The following PPP2R2C variants were observed in gnomAD, a reference collection of about 807,000 sequenced individuals.
The protein encoded by PPP2R2C is protein phosphatase 2, regulatory subunit B, gamma.
In PPP2R2C, 10 loss-of-function variants were observed where a neutral mutation model predicts 45.3. The observed-to-expected ratio is 0.22, with a 90% CI of 0.14 to 0.37. The LOEUF (loss-of-function observed/expected upper bound fraction) is 0.37, where lower values mean the gene tolerates loss of function less well. Among genes scored for constraint, PPP2R2C ranks in the 10% least tolerant of loss-of-function variants. The probability of loss-of-function intolerance (pLI) is 1.00; values close to 1 mark genes in which losing one functional copy is unlikely to be tolerated. For synonymous variants in PPP2R2C, 257 were observed against 245.4 expected, an observed-to-expected ratio of 1.05 and a Z score of -0.44; for missense variants, 308 against 619.7, an observed-to-expected ratio of 0.50 and a Z score of 5.34.
intron 1 of PPP2R2C, among the ~76,000 whole-genome samples, chr4:6,389,150 A>G (rs2109328849): frequency 6.6e-6 from 1 of 152,314 alleles, no homozygotes; most frequent in African/African-American, 2.4e-5. Flanking sequence ...CATGGATACA[A>G]TGGGAATTGA....
At chr4:6,548,611 C>T (rs556810125) in intron 1 of PPP2R2C, among the ~76,000 whole-genome samples, 95 of 152,294 alleles carry the variant, frequency 6.2e-4, no homozygotes, top group African/African-American at 1.7e-3. Flanking sequence ...TAGAGCTTCC[C>T]GACAGCCATG....
intron 2 of PPP2R2C, among the ~76,000 whole-genome samples, chr4:6,502,761 T>C (rs1263080802): frequency 6.6e-6 from 1 of 152,136 alleles, no homozygotes; most frequent in Non-Finnish European, 1.5e-5. Flanking sequence ...TGAGGGTCTA[T>C]TTTCATTTTA....
chr4:6,339,099 T>C (rs2109197096), intron 6 of PPP2R2C, among the ~76,000 whole-genome samples: 1 of 152,360 alleles, frequency 6.6e-6, no homozygotes, highest in East Asian at 1.9e-4. Context: ...ATACATCCTC[T>C]AGAACCCCAG....
chr4:6,511,894 ATGG>A (rs1723573975), intron 2 of PPP2R2C, among the ~76,000 whole-genome samples: 1 of 1,144 alleles, frequency 8.7e-4, no homozygotes. Flanking sequence ...GGTGGTGGTG[ATGG>A]TGGTGGTGGT....
chr4:6,425,381 T>A (rs1007047949), intron 1 of PPP2R2C, among the ~76,000 whole-genome samples: 1 of 152,176 alleles, frequency 6.6e-6, no homozygotes, highest in African/African-American at 2.4e-5. Context: ...CTGATCCAAA[T>A]CGCCTCACTG....
chr4:6,337,161 T>G lies in PPP2R2C; in HGVS notation c.791-3430A>C, dbSNP rs866077745. On this transcript the variant is annotated intron_variant, in intron 6 of 8. Transcript: ENST00000382599. ...ATATATATATATATATATATATATA[T>G]TTGTAGTTTTTCTTTGTTAAGCCAA... Among the ~76,000 whole-genome samples the G allele has an allele frequency of 2.4e-3, 274 of 113,668 alleles. 7 individuals carry two copies. The highest frequency in any genetic ancestry group is 8.9e-3 in the African/African-American group (266 of 29,770). The allele number at this position is 113,668 out of a possible 152,430, so 74.6% of individuals were successfully genotyped here.
intron 1 of PPP2R2C, among the ~76,000 whole-genome samples, chr4:6,554,986 A>G (rs1302275761): frequency 6.6e-6 from 1 of 151,736 alleles, no homozygotes; most frequent in Admixed American, 6.6e-5. Context: ...AGAAAAGAGA[A>G]GAGAAGAGAA....
At chr4:6,382,922 A>C in intron 1 of PPP2R2C, 1 of 1,085,924 alleles carries the variant, frequency 9.2e-7, no homozygotes, top group South Asian at 2.6e-5. Context: ...TTGTGTACTC[A>C]GAGAAAAGCA....
At chr4:6,455,915 A>AC (rs11421592) in intron 1 of PPP2R2C, among the ~76,000 whole-genome samples, 149,804 of 152,102 alleles carry the variant, frequency 0.98, 73,815 homozygotes, top group Middle Eastern at 1. Context: ...CCAGGCTGCA[A>AC]CGGGCCCACT....
chr4:6,350,604 G>A (rs1193985021), intron 5 of PPP2R2C: 7 of 985,296 alleles, frequency 7.1e-6, no homozygotes, highest in Non-Finnish European at 8.4e-6. Flanking sequence ...GGGTGCAGGA[G>A]GACTCGGTGG....
chr4:6,434,361 T>TTC (rs1719782470), intron 1 of PPP2R2C, among the ~76,000 whole-genome samples: 2 of 138,006 alleles, frequency 1.4e-5, no homozygotes, highest in African/African-American at 2.7e-5. Flanking sequence ...TTTCTTTTCT[T>TTC]TTTTTTTTTT....
chr4:6,537,052 A>T (rs926733543), intron 1 of PPP2R2C, among the ~76,000 whole-genome samples: 2 of 152,008 alleles, frequency 1.3e-5, no homozygotes, highest in African/African-American at 4.8e-5. Context: ...AAAATACAAA[A>T]ATTAGCCAGG....
chr4:6,409,087 A>G, intron 1 of PPP2R2C, among the ~76,000 whole-genome samples: 1 of 152,144 alleles, frequency 6.6e-6, no homozygotes, highest in East Asian at 1.9e-4. Flanking sequence ...AGGAGAAAAC[A>G]GCAGTGTGTG....
At chr4:6,429,961 C>T (rs1012552060) in intron 1 of PPP2R2C, among the ~76,000 whole-genome samples, 5 of 152,168 alleles carry the variant, frequency 3.3e-5, no homozygotes, top group Non-Finnish European at 7.3e-5. Flanking sequence ...AGAAGTCACA[C>T]ACCTTGCCCA....
chr4:6,400,390 A>G (rs1182403082), intron 1 of PPP2R2C, among the ~76,000 whole-genome samples: 1 of 152,228 alleles, frequency 6.6e-6, no homozygotes, highest in Admixed American at 6.5e-5. Flanking sequence ...ATGGGTTTAC[A>G]CTTTTTATTT....
chr4:6,425,360 GCA>G (rs545011384), intron 1 of PPP2R2C, among the ~76,000 whole-genome samples: 219 of 152,342 alleles, frequency 1.4e-3, no homozygotes, highest in Admixed American at 3.5e-3. Context: ...CTGGGCACCT[GCA>G]CAGTCTCTCT....
At chr4:6,422,574 T>C (rs992914083) in intron 1 of PPP2R2C, among the ~76,000 whole-genome samples, 1 of 152,194 alleles carries the variant, frequency 6.6e-6, no homozygotes, top group Non-Finnish European at 1.5e-5. Context: ...AAGATCAAGG[T>C]GTCAGCAGGA....
intron 1 of PPP2R2C, among the ~76,000 whole-genome samples, chr4:6,550,196 G>A (rs887896009): frequency 6.6e-6 from 1 of 152,066 alleles, no homozygotes; most frequent in Non-Finnish European, 1.5e-5. Flanking sequence ...GAATGAGATG[G>A]ATGACAACCC....
chr4:6,541,272 A>C (rs1724795004), intron 1 of PPP2R2C, among the ~76,000 whole-genome samples: 1 of 152,354 alleles, frequency 6.6e-6, no homozygotes, highest in East Asian at 1.9e-4. Context: ...AAATCCAGGA[A>C]GAATGGATAT....
Sources: allele counts gnomAD v4.1 joint callset (sites outside exome capture counted in the v4.1 genomes callset), GRCh38; gene constraint gnomAD v4.1.1; transcripts MANE v1.5; gene names NCBI Gene and HGNC (gene_info 2026-07-23, HGNC 2026-07-21).